FAM184A: variants seen among roughly 807,000 people sequenced by gnomAD.
The protein encoded by FAM184A is protein FAM184A.
Under a neutral mutation model 143.8 loss-of-function variants are expected in FAM184A, and 99 were observed. The observed-to-expected ratio is 0.69, with a 90% CI of 0.58 to 0.81. The LOEUF (loss-of-function observed/expected upper bound fraction) is 0.81. Ranked by LOEUF, FAM184A falls within the 40% of genes least tolerant of loss-of-function variation. The pLI, the probability that FAM184A is intolerant of heterozygous loss-of-function variation, is 0.00. For missense variants in FAM184A, 1,217 were observed against 1,310.5 expected, an observed-to-expected ratio of 0.93 and a Z score of 1.10; for synonymous variants, 427 against 446.4, an observed-to-expected ratio of 0.96 and a Z score of 0.55.
intron 7 of FAM184A, 70 bp from the exon 8 acceptor site, chr6:119,003,692 T>G: frequency 6.9e-7 from 1 of 1,438,856 alleles, no homozygotes; most frequent in Non-Finnish European, 9.3e-7. Flanking sequence ...TTTAAATAAG[T>G]AAAGTGCTTG....
intron 1 of FAM184A, among the ~76,000 whole-genome samples, chr6:119,038,728 T>C (rs1274889172): frequency 6.6e-6 from 1 of 152,164 alleles, no homozygotes; most frequent in Non-Finnish European, 1.5e-5. Flanking sequence ...CTTAATATAC[T>C]TGTTTTCGCT....
rs866606904 is a variant in FAM184A, at chr6:119,112,511, A to G, written c.-202+36567T>C. Among the ~76,000 whole-genome samples, 15 of 152,292 alleles carry G rather than the reference A, an allele frequency of 9.8e-5. No homozygotes were observed. The East Asian group carries it at 1.9e-3, about 20-fold the overall frequency. On this transcript the variant is annotated intron_variant, in intron 1 of 16. Coordinates refer to the FAM184A transcript ENST00000352896. The stretch of plus-strand genomic sequence containing the variant: ...CCGTTTAGAAAACTCTTGAGATAAC[A>G]TTTTTAGTTTTCTGGCCATTGAAAG...
Position 119,071,408 on chromosome 6 carries a change from A to T in FAM184A, c.159+6733T>A, listed in dbSNP as rs551611308. ...GTTAATGTTATTTTAAATACGTTTC[A>T]GTTTGGAATGACTAAACCTGTTAAT... On this transcript the variant is annotated intron_variant, in intron 1 of 17. Transcript: ENST00000338891. 2.4e-4 allele frequency among the ~76,000 whole-genome samples: 36 copies of T among 152,346 alleles called. No homozygotes were observed. The East Asian group carries it at 4.0e-3, about 17-fold the overall frequency.
intron 9 of FAM184A, among the ~76,000 whole-genome samples, chr6:118,981,275 T>C (rs928805707): frequency 2.0e-5 from 3 of 152,230 alleles, no homozygotes; most frequent in Non-Finnish European, 4.4e-5. Context: ...TCTATTCTCA[T>C]ACACAGGATA....
rs1788766778 is a variant in FAM184A at position 119,106,003 on chromosome 6, G to A, written c.-202+43075C>T. 3.3e-5 allele frequency among the ~76,000 whole-genome samples: 5 copies of A among 152,050 alleles called. No homozygotes were observed. The South Asian group carries it at 1.0e-3, about 31-fold the overall frequency. Reference sequence around the variant, plus strand: ...CCATATTTAAACAAACCACATCACTGTTTAAGGTCACATAATTGTCTCAGA... The same window carrying A: ...CCATATTTAAACAAACCACATCACTATTTAAGGTCACATAATTGTCTCAGA... On this transcript the variant is annotated intron_variant, in intron 1 of 16. Transcript: ENST00000352896.
chr6:119,115,721 G>A (rs1305254023), intron 1 of FAM184A, among the ~76,000 whole-genome samples: 1 of 151,848 alleles, frequency 6.6e-6, no homozygotes, highest in Non-Finnish European at 1.5e-5. Context: ...TCAGTACTTT[G>A]GGAGGCTGAG....
intron 1 of FAM184A, among the ~76,000 whole-genome samples, chr6:119,146,102 TTAGGA>T (rs1241949421): frequency 6.6e-6 from 1 of 152,204 alleles, no homozygotes; most frequent in Non-Finnish European, 1.5e-5. Context: ...GTATTTATAG[TTAGGA>T]TTACCTTCTA....
chr6:119,093,481 A>G (rs531463059), intron 1 of FAM184A, among the ~76,000 whole-genome samples: 153 of 152,302 alleles, frequency 1.0e-3, no homozygotes, highest in African/African-American at 3.4e-3. Context: ...ATTTATTCCC[A>G]TAGATCTTTT....
chr6:119,008,518 GT>G (rs1242185379), intron 6 of FAM184A, among the ~76,000 whole-genome samples: 3 of 152,282 alleles, frequency 2.0e-5, no homozygotes, highest in African/African-American at 7.2e-5. Flanking sequence ...CACAATTTCA[GT>G]TCTGAATCTA....
chr6:119,078,628 T>A lies in FAM184A; in HGVS notation c.-329A>T, dbSNP rs1787969722. ...GTCGAGGACAGCGCAGCTCCGCGGG[T>A]CCCGCTCGCAGCCCGCACCGAGGAC... On this transcript the variant is annotated 5_prime_UTR_variant, in exon 1 of 18. Transcript: ENST00000338891. The surrounding 1 kb of genome is among the most constrained non-coding windows in gnomAD (Gnocchi z 5.5). The A allele has an allele frequency of 5.2e-6, 1 of 192,678 alleles. No individual in the cohort carries two copies. Among genetic ancestry groups the A allele is most frequent in the Admixed American group, 6.1e-5 (1 of 16,342 alleles). The allele number at this position is 192,678 out of a possible 1,614,324, so 11.9% of individuals were successfully genotyped here.
chr6:119,012,957 AG>A (rs1334305046), intron 5 of FAM184A, among the ~76,000 whole-genome samples: 2 of 152,210 alleles, frequency 1.3e-5, no homozygotes, highest in African/African-American at 2.4e-5. Context: ...ATAAGACAAT[AG>A]AAGTCGTCTT....
chr6:119,011,633 A>T (rs1194020502), intron 5 of FAM184A, among the ~76,000 whole-genome samples: 1 of 152,210 alleles, frequency 6.6e-6, no homozygotes, highest in Non-Finnish European at 1.5e-5. Context: ...TAATGTAGTT[A>T]TACTTTTTTT....
intron 1 of FAM184A, among the ~76,000 whole-genome samples, chr6:119,035,909 C>T (rs12110806): frequency 0.019 from 2,905 of 152,132 alleles, 85 homozygotes; most frequent in African/African-American, 0.066. Flanking sequence ...AGCTATAGCC[C>T]GACCACCTTG....
chr6:118,967,028 A>C (rs1001488659), intron 14 of FAM184A, 76 bp from the exon 15 acceptor site: 1 of 688,540 alleles, frequency 1.5e-6, no homozygotes, highest in Admixed American at 2.7e-5. Flanking sequence ...TAAAAAAATT[A>C]GTCTAGTTGA....
chr6:119,003,463 A>G, intron 8 of FAM184A, 38 bp downstream of exon 8: 3 of 1,585,042 alleles, frequency 1.9e-6, no homozygotes, highest in Non-Finnish European at 2.6e-6. Context: ...ACTTTCTTGC[A>G]TGTCTTTATT....
At chr6:118,997,012 C>CGTGGGATTA (rs11275691) in intron 9 of FAM184A, among the ~76,000 whole-genome samples, 1 of 151,098 alleles carries the variant, frequency 6.6e-6, no homozygotes, top group Non-Finnish European at 1.5e-5. Flanking sequence ...GCGTGAGCCA[C>CGTGGGATTA]CAGACCCAAA....
At chr6:119,144,491 A>AC (rs1352811984) in intron 1 of FAM184A, among the ~76,000 whole-genome samples, 1 of 152,174 alleles carries the variant, frequency 6.6e-6, no homozygotes, top group Non-Finnish European at 1.5e-5. Context: ...GCCGGCACAC[A>AC]CTCTGCCACT....
At chr6:119,098,231 G>T (rs754007173) in intron 1 of FAM184A, among the ~76,000 whole-genome samples, 17 of 152,198 alleles carry the variant, frequency 1.1e-4, no homozygotes, top group Non-Finnish European at 2.2e-4. Context: ...GCTGCCACCA[G>T]GTAAGACATG....
intron 1 of FAM184A, among the ~76,000 whole-genome samples, chr6:119,126,584 C>A (rs1459370743): frequency 6.6e-6 from 1 of 152,220 alleles, no homozygotes; most frequent in Non-Finnish European, 1.5e-5. Context: ...ATGGCAACAT[C>A]TAGAGGGGGA....
Sources: allele counts gnomAD v4.1 joint callset (sites outside exome capture counted in the v4.1 genomes callset), GRCh38; gene constraint gnomAD v4.1.1; non-coding constraint Gnocchi (gnomAD v3.1); transcripts MANE v1.5; gene names NCBI Gene and HGNC (gene_info 2026-07-23, HGNC 2026-07-21).